Variants in ITFG1 observed in about 807,000 individuals in gnomAD.
ITFG1 encodes the protein T-cell immunomodulatory protein.
In ITFG1, 34 loss-of-function variants were observed where a neutral mutation model predicts 81.8. The ratio of observed to expected loss-of-function variants is 0.42; its 90% CI spans 0.32 to 0.55. ITFG1 has a LOEUF of 0.55. ITFG1 is among the 20% of genes least tolerant of loss of function. ITFG1 has a pLI of 0.17. For synonymous variants in ITFG1, 285 were observed against 270.6 expected (o/e 1.05, Z -0.52); for missense variants, 672 against 755.4 (o/e 0.89, Z 1.29).
Position 47,380,636 on chromosome 16 carries a change from G to A in ITFG1, c.656-4696C>T, listed in dbSNP as rs529227125. Among the ~76,000 whole-genome samples, 3 of 152,318 alleles carry A rather than the reference G, an allele frequency of 2.0e-5. No homozygotes were observed. In the South Asian group the frequency reaches 6.2e-4, roughly 32 times the overall value. On this transcript the variant is annotated intron_variant, in intron 6 of 17. Transcript: ENST00000320640. Reference sequence around the variant, plus strand: ...GAAGAACAGGGTTGGTATAGGGAGAGTGGGGTGAGTTGTGGCTTGGAATAA... The same window carrying A: ...GAAGAACAGGGTTGGTATAGGGAGAATGGGGTGAGTTGTGGCTTGGAATAA...
At chr16:47,374,561 C>T (rs774541332) in intron 7 of ITFG1, among the ~76,000 whole-genome samples, 39 of 152,130 alleles carry the variant, frequency 2.6e-4, no homozygotes, top group Admixed American at 1.1e-3. Context: ...TTTTCTAATA[C>T]TAGAAGATTC....
At chr16:47,414,548 A>C (rs768881361) in intron 6 of ITFG1, among the ~76,000 whole-genome samples, 3 of 148,286 alleles carry the variant, frequency 2.0e-5, no homozygotes, top group Non-Finnish European at 4.4e-5. Flanking sequence ...AAAAAACAAA[A>C]AACAAACAAC....
chr16:47,269,505 T>TAAAA (rs1966313961), intron 10 of ITFG1, among the ~76,000 whole-genome samples: 1 of 121,920 alleles, frequency 8.2e-6, no homozygotes, highest in African/African-American at 3.3e-5. Flanking sequence ...AAAAAAAAAC[T>TAAAA]TGAAAAAAAA....
At chr16:47,420,287 T>C (rs1596971799) in intron 6 of ITFG1, among the ~76,000 whole-genome samples, 3 of 152,308 alleles carry the variant, frequency 2.0e-5, no homozygotes, top group Admixed American at 2.0e-4. Context: ...AGTAATAATA[T>C]TCTGATGAGA....
At chr16:47,177,373 A>C (rs1459456560) in intron 14 of ITFG1, among the ~76,000 whole-genome samples, 1 of 152,188 alleles carries the variant, frequency 6.6e-6, no homozygotes, top group Non-Finnish European at 1.5e-5. Flanking sequence ...GATGAGACTC[A>C]TTATAAAGTG....
intron 6 of ITFG1, among the ~76,000 whole-genome samples, chr16:47,382,895 T>G (rs1170020146): frequency 6.6e-6 from 1 of 152,216 alleles, no homozygotes; most frequent in Non-Finnish European, 1.5e-5. Context: ...AGGAATTTAT[T>G]TTTCATAACT....
intron 8 of ITFG1, among the ~76,000 whole-genome samples, chr16:47,329,602 G>C (rs554837724): frequency 1.3e-5 from 2 of 152,256 alleles, no homozygotes; most frequent in South Asian, 4.1e-4. Context: ...TGATGACAAT[G>C]ATCACACTAA....
At chr16:47,348,064 T>C (rs1235312533) in intron 8 of ITFG1, among the ~76,000 whole-genome samples, 2 of 152,042 alleles carry the variant, frequency 1.3e-5, no homozygotes, top group East Asian at 1.9e-4. Flanking sequence ...CATCCGTACG[T>C]CACCATCATC....
intron 10 of ITFG1, among the ~76,000 whole-genome samples, chr16:47,285,425 T>C (rs1966866132): frequency 2.6e-5 from 4 of 152,180 alleles, no homozygotes; most frequent in Admixed American, 2.6e-4. Flanking sequence ...TAAGTGCTTC[T>C]CTGAGTTCTG....
At chr16:47,178,683 A>C (rs1450921672) in intron 14 of ITFG1, among the ~76,000 whole-genome samples, 1 of 152,238 alleles carries the variant, frequency 6.6e-6, no homozygotes, top group Non-Finnish European at 1.5e-5. Context: ...CTTCATGTCT[A>C]AAACACCAAA....
intron 8 of ITFG1, among the ~76,000 whole-genome samples, chr16:47,320,903 T>C (rs1480104900): frequency 6.6e-6 from 1 of 152,130 alleles, no homozygotes; most frequent in Non-Finnish European, 1.5e-5. Context: ...ACTAAAACAC[T>C]TGGTCATGAA....
intron 10 of ITFG1, among the ~76,000 whole-genome samples, chr16:47,294,564 T>A (rs943826621): frequency 6.6e-6 from 1 of 152,158 alleles, no homozygotes; most frequent in Non-Finnish European, 1.5e-5. Context: ...CTTGTAGAGA[T>A]CTTTCAACTT....
rs142692514 is a variant in ITFG1, at chr16:47,342,894, A to G, written c.802+22894T>C. On this transcript the variant is annotated intron_variant, in intron 8 of 17. Coordinates refer to ENST00000320640, the MANE Select transcript of ITFG1 (RefSeq NM_030790.5). The stretch of plus-strand genomic sequence containing the variant: ...AGTCTGTATTCAGAGGTTGGAACTA[A>G]CTAAATATTGTTAATTTGTCAATAC... 7.5e-3 allele frequency among the ~76,000 whole-genome samples: 1,145 copies of G among 152,262 alleles called. 18 individuals carry two copies. Among genetic ancestry groups the G allele is most frequent in the African/African-American group, 0.026 (1,086 of 41,568 alleles).
chr16:47,383,244 C>T (rs1968417838), intron 6 of ITFG1, among the ~76,000 whole-genome samples: 1 of 152,158 alleles, frequency 6.6e-6, no homozygotes, highest in Non-Finnish European at 1.5e-5. Flanking sequence ...GAACAGGACC[C>T]TGGCATCAAT....
At chr16:47,338,448 GA>G (rs1443746553) in intron 8 of ITFG1, among the ~76,000 whole-genome samples, 3 of 151,312 alleles carry the variant, frequency 2.0e-5, no homozygotes, top group Non-Finnish European at 2.9e-5. Context: ...TATAAACAAA[GA>G]AAAAAAACCC....
Position 47,234,865 on chromosome 16 carries a change from C to T in ITFG1, c.1374+3100G>A, listed in dbSNP as rs188142350. ...GTGGAAGGTAACTGAATCACAGGAGCGGTTTCCCCCATGGTGTTCTAGTGA... is the reference window on the plus strand; with the variant it reads ...GTGGAAGGTAACTGAATCACAGGAGTGGTTTCCCCCATGGTGTTCTAGTGA... On this transcript the variant is annotated intron_variant, in intron 13 of 17. Transcript: ENST00000320640. Among the ~76,000 whole-genome samples, 133 of 152,222 alleles carry T rather than the reference C, an allele frequency of 8.7e-4. 2 individuals are homozygous for T. Among genetic ancestry groups the T allele is most frequent in the Non-Finnish European group, 1.6e-3 (111 of 68,022 alleles).
At chr16:47,197,748 C>T (rs1965376204) in intron 14 of ITFG1, among the ~76,000 whole-genome samples, 1 of 152,208 alleles carries the variant, frequency 6.6e-6, no homozygotes, top group Admixed American at 6.5e-5. Context: ...GGGCTTGGAG[C>T]CAGGCAAGTG....
At chr16:47,288,065 T>TTTGAGAAA (rs1966877061) in intron 10 of ITFG1, among the ~76,000 whole-genome samples, 2 of 152,218 alleles carry the variant, frequency 1.3e-5, no homozygotes, top group Non-Finnish European at 2.9e-5. Context: ...TTTTTATTTT[T>TTTGAGAAA]TTGAGAAAGA....
chr16:47,274,664 A>C (rs1404617776), intron 10 of ITFG1, among the ~76,000 whole-genome samples: 1 of 152,186 alleles, frequency 6.6e-6, no homozygotes, highest in Non-Finnish European at 1.5e-5. Flanking sequence ...AAAACTGCCA[A>C]ACAATAGAAT....
Sources: allele counts gnomAD v4.1 joint callset (sites outside exome capture counted in the v4.1 genomes callset), GRCh38; gene constraint gnomAD v4.1.1; transcripts MANE v1.5; gene names NCBI Gene and HGNC (gene_info 2026-07-23, HGNC 2026-07-21).